Variants in DARS2 observed in about 807,000 individuals in gnomAD.
The protein encoded by DARS2 is aspartyl-tRNA synthetase 2, mitochondrial.
In DARS2, 63 loss-of-function variants were observed where a neutral mutation model predicts 83.0. That is an observed-to-expected ratio of 0.76 (90% CI 0.62 to 0.94). The LOEUF is 0.94. DARS2 is among the 40% of genes least tolerant of loss of function. DARS2 has a pLI of 0.00. For missense variants in DARS2, 675 were observed against 774.4 expected (o/e 0.87, Z 1.52); for synonymous variants, 250 against 269.3 (o/e 0.93, Z 0.70).
At chr1:173,855,188 C>G (rs1034656457) in intron 15 of DARS2, among the ~76,000 whole-genome samples, 7 of 151,670 alleles carry the variant, frequency 4.6e-5, no homozygotes, top group African/African-American at 1.7e-4. Flanking sequence ...ACTGCAACCT[C>G]CGCCGCCTGG....
chr1:173,847,003 GT>G (rs1241055588), intron 12 of DARS2, among the ~76,000 whole-genome samples: 9 of 152,216 alleles, frequency 5.9e-5, no homozygotes, highest in South Asian at 2.1e-4. Flanking sequence ...TTATAACCAT[GT>G]AAAAACACTA....
rs943571662 is a variant in DARS2 at position 173,825,168 on chromosome 1, G to T, written c.-62G>T. 18 of 1,594,118 alleles carry T rather than the reference G, an allele frequency of 1.1e-5. No individual in the cohort carries two copies. Among genetic ancestry groups the T allele is most frequent in the Non-Finnish European group, 1.3e-5 (15 of 1,167,122 alleles). ...GGGATTTCTGTGTATTTCCAAAACT[G>T]ACTTTTAACTACCGGCAGCGTGGGA... is the stretch of plus-strand genomic sequence containing the variant. On this transcript the variant is annotated 5_prime_UTR_variant, in exon 1 of 17. Transcript: ENST00000649689.
At chr1:173,848,505 C>T (rs1571994190) in intron 12 of DARS2, among the ~76,000 whole-genome samples, 1 of 152,282 alleles carries the variant, frequency 6.6e-6, no homozygotes, top group East Asian at 1.9e-4. Flanking sequence ...AAGGGCTGAA[C>T]TTTTTACTTT....
intron 3 of DARS2, among the ~76,000 whole-genome samples, chr1:173,828,955 C>A (rs1004662253): frequency 6.6e-6 from 1 of 151,900 alleles, no homozygotes; most frequent in Non-Finnish European, 1.5e-5. Context: ...AAATTGGGAA[C>A]CACCCAGATG....
chr1:173,850,016 A>G (rs1653589337), intron 12 of DARS2, among the ~76,000 whole-genome samples: 1 of 151,522 alleles, frequency 6.6e-6, no homozygotes, highest in South Asian at 2.1e-4. Flanking sequence ...CAGAACTGGC[A>G]CAGCTACTTT....
Position 173,853,889 on chromosome 1 carries a change from T to C in DARS2, c.1658T>C (p.Leu553Pro), listed in dbSNP as rs1653769073. Residue 553 changes from leucine to proline, a missense_variant, in exon 15 of 17, where the codon CTG becomes CCG. Leu to Pro is a moderately conservative substitution (Grantham distance 98). Coordinates refer to ENST00000649689, the MANE Select transcript of DARS2 (RefSeq NM_018122.5). The part of the protein sequence containing the change: ...IHNAELQRYI[L>P]ATLLKEDVKM... ...AATGCAGAGCTGCAGCGTTATATCC[T>C]GGCAACCTTACTAAAGGTAACAAAC... The C allele has an allele frequency of 4.3e-6, 7 of 1,613,750 alleles. No individual in the cohort carries two copies. The highest frequency in any genetic ancestry group is 5.9e-6 in the Non-Finnish European group (7 of 1,179,728).
chr1:173,830,562 T>A, intron 3 of DARS2, 98 bp from the exon 4 acceptor site: 4 of 976,438 alleles, frequency 4.1e-6, no homozygotes, highest in Non-Finnish European at 1.7e-6. Flanking sequence ...GTAATTAAGC[T>A]GTGACTATTA....
In DARS2 at chr1:173,835,950, A is replaced by G. The variant is rs191621954; in HGVS notation, c.664-990A>G. Among the ~76,000 whole-genome samples, 9 of 151,792 alleles carry G rather than the reference A, an allele frequency of 5.9e-5. No homozygotes were observed. In the East Asian group the frequency reaches 1.8e-3, roughly 30 times the overall value. ...CAGGCACCTGTAGTCCCAGCTACTC[A>G]GGAGGCTGAGACAGGAGAATTGCTT... is the stretch of plus-strand genomic sequence containing the variant. On this transcript the variant is annotated intron_variant, in intron 7 of 16. Coordinates refer to ENST00000649689, the MANE Select transcript of DARS2 (RefSeq NM_018122.5).
chr1:173,841,507 T>TC (rs1240752329), intron 11 of DARS2, among the ~76,000 whole-genome samples: 2 of 152,076 alleles, frequency 1.3e-5, no homozygotes, highest in African/African-American at 2.4e-5. Flanking sequence ...TTCTTTTTTT[T>TC]CCCCCCTTTT....
In DARS2 at chr1:173,828,348, G is replaced by C; in HGVS notation, c.243G>C (p.Leu81Phe). 6.2e-7 allele frequency: 1 copy of C among 1,604,890 alleles called. No homozygotes were observed. Among genetic ancestry groups the C allele is most frequent in the South Asian group, 1.1e-5 (1 of 90,370 alleles). ...WIQYRRQNTF[L>F]VLRDFDGLVQ... is the part of the protein sequence containing the mutation. ...CATTAATCAGGCAAAACACATTCTT[G>C]GTCCTAAGAGATTTCGATGGGCTTG... Residue 81 changes from leucine to phenylalanine, a missense_variant, in exon 3 of 17, where the codon TTG becomes TTC. Coordinates refer to ENST00000649689, the MANE Select transcript of DARS2 (RefSeq NM_018122.5).
At chr1:173,847,237 C>T (rs1258486201) in intron 12 of DARS2, among the ~76,000 whole-genome samples, 2 of 151,876 alleles carry the variant, frequency 1.3e-5, no homozygotes, top group Non-Finnish European at 1.5e-5. Flanking sequence ...TCTCTGTCGG[C>T]GGTGGGGATG....
rs1284237192 is a variant in DARS2 at position 173,838,273 on chromosome 1, T to C, written c.840+14T>C. ...GAGTTTACTCAGGTACAAAGTTATA[T>C]TCACTTGTTTCTTAAAATTCAGGCT... On this transcript the variant is annotated intron_variant, in intron 9 of 16. Transcript: ENST00000649689. 1 of 1,600,686 alleles carries C rather than the reference T, an allele frequency of 6.2e-7. No homozygotes were observed. The highest frequency in any genetic ancestry group is 1.1e-5 in the South Asian group (1 of 90,768).
Position 173,831,534 on chromosome 1 carries a change from G to A in DARS2, c.397-1G>A. On this transcript the variant is annotated splice_acceptor_variant, in intron 4 of 16. Coordinates refer to ENST00000649689, the MANE Select transcript of DARS2 (RefSeq NM_018122.5). LOFTEE classifies it high-confidence loss of function. ...AAAACCCTTCCTTCTCACTCTCCAAGAAAATGCCAACAGGTGAGATTGAAA... is the reference window on the plus strand; with the variant it reads ...AAAACCCTTCCTTCTCACTCTCCAAAAAAATGCCAACAGGTGAGATTGAAA... The A allele has an allele frequency of 6.2e-7, 1 of 1,612,316 alleles. No individual in the cohort carries two copies. Among genetic ancestry groups the A allele is most frequent in the Non-Finnish European group, 8.5e-7 (1 of 1,178,410 alleles).
rs202160561 is a variant in DARS2, at chr1:173,825,408, T to G, written c.127+52T>G. 9.8e-4 allele frequency: 1,551 copies of G among 1,579,210 alleles called. 9 individuals carry two copies. Among genetic ancestry groups the G allele is most frequent in the Middle Eastern group, 6.5e-3 (38 of 5,868 alleles). On this transcript the variant is annotated intron_variant, in intron 1 of 16. Coordinates refer to ENST00000649689, the MANE Select transcript of DARS2 (RefSeq NM_018122.5). ...ATGAACAGTACTTCAGCCTGTTATCTACGGCCGGAGAGCTTTTATTCCATT... is the reference window on the plus strand; with the variant it reads ...ATGAACAGTACTTCAGCCTGTTATCGACGGCCGGAGAGCTTTTATTCCATT...
chr1:173,846,520 C>T lies in DARS2; in HGVS notation c.1191+1229C>T, dbSNP rs553196711. On this transcript the variant is annotated intron_variant, in intron 12 of 16. Transcript: ENST00000649689. ...AAAAAATAAAGGATCCAGCCAGGCA[C>T]GGAAGCGCATACCTGTAATCCCAGC... is the stretch of plus-strand genomic sequence containing the variant. 6.0e-5 allele frequency among the ~76,000 whole-genome samples: 9 copies of T among 149,902 alleles called. No homozygotes were observed. The South Asian group carries it at 1.1e-3, about 18-fold the overall frequency.
chr1:173,850,514 G>C (rs201192915), intron 13 of DARS2, 35 bp downstream of exon 13: 2 of 1,604,888 alleles, frequency 1.2e-6, no homozygotes, highest in African/African-American at 1.3e-5. Flanking sequence ...CAGTGCTGTT[G>C]ATGCTGAACA....
At chr1:173,826,272 G>A (rs1225597389) in intron 1 of DARS2, among the ~76,000 whole-genome samples, 1 of 151,736 alleles carries the variant, frequency 6.6e-6, no homozygotes, top group Non-Finnish European at 1.5e-5. Flanking sequence ...GTGTTTTCTA[G>A]TGTACAAGTG....
intron 11 of DARS2, among the ~76,000 whole-genome samples, chr1:173,841,685 G>T (rs1457895791): frequency 6.6e-6 from 1 of 152,074 alleles, no homozygotes; most frequent in African/African-American, 2.4e-5. Flanking sequence ...TGTAGTCCCA[G>T]CTATTCTGGA....
At chr1:173,829,955 G>A (rs1652732892) in intron 3 of DARS2, among the ~76,000 whole-genome samples, 1 of 151,972 alleles carries the variant, frequency 6.6e-6, no homozygotes, top group African/African-American at 2.4e-5. Context: ...GGTGGCATGT[G>A]CCTGTAGTCC....
Sources: gnomAD v4.1 joint callset for allele counts (sites outside exome capture counted in the v4.1 genomes callset) on GRCh38, gnomAD v4.1.1 for gene constraint, MANE v1.5 for transcripts, NCBI Gene and HGNC (gene_info 2026-07-23, HGNC 2026-07-21) for gene names.